Variants in UTRN observed in about 807,000 individuals in gnomAD.
The protein encoded by UTRN is utrophin, also known as dystrophin-related protein 1.
A neutral mutation model predicts 463.9 loss-of-function variants in UTRN; 283 were observed. That is an observed-to-expected ratio of 0.61 (90% CI 0.55 to 0.67). The LOEUF is 0.67. Ranked by LOEUF, UTRN falls within the 30% of genes least tolerant of loss-of-function variation. The probability of loss-of-function intolerance (pLI) is 0.00; values close to 1 mark genes in which losing one functional copy is unlikely to be tolerated. For synonymous variants in UTRN, 1,442 were observed against 1,431.5 expected (o/e 1.01, Z -0.17); for missense variants, 3,922 against 4,084.3 (o/e 0.96, Z 1.08).
rs779761103 is a variant in UTRN, at chr6:144,447,324, T to C, written c.1722+6T>C. 6 of 1,611,280 alleles carry C rather than the reference T, an allele frequency of 3.7e-6. No homozygotes were observed. Among genetic ancestry groups the C allele is most frequent in the Non-Finnish European group, 8.5e-7 (1 of 1,178,364 alleles). ...TCAGTGTTCGACGTCTGGCTGTAAGTGATGGGGTTGTCAGCATCTGTGTTG... is the reference window on the plus strand; with the variant it reads ...TCAGTGTTCGACGTCTGGCTGTAAGCGATGGGGTTGTCAGCATCTGTGTTG... On this transcript the variant is annotated splice_donor_region_variant and intron_variant, in intron 15 of 74. Transcript: ENST00000367545.
chr6:144,731,632 A>C (rs950634817), intron 54 of UTRN, among the ~76,000 whole-genome samples: 1 of 152,160 alleles, frequency 6.6e-6, no homozygotes, highest in African/African-American at 2.4e-5. Flanking sequence ...TTTCCCATCA[A>C]GACCATAATC....
At chr6:144,389,458 A>G (rs1196217229) in intron 2 of UTRN, among the ~76,000 whole-genome samples, 1 of 152,294 alleles carries the variant, frequency 6.6e-6, no homozygotes, top group East Asian at 1.9e-4. Flanking sequence ...TGGTGCAAAG[A>G]GGAATTTCTT....
intron 53 of UTRN, among the ~76,000 whole-genome samples, chr6:144,729,540 GTTTAAT>G (rs1164898724): frequency 6.6e-6 from 1 of 152,198 alleles, no homozygotes; most frequent in Admixed American, 6.5e-5. Context: ...GTGGTTATGT[GTTTAAT>G]TTTAAGAGGA....
At chr6:144,753,563 G>T (rs1351275824) in intron 56 of UTRN, among the ~76,000 whole-genome samples, 2 of 152,012 alleles carry the variant, frequency 1.3e-5, no homozygotes, top group African/African-American at 4.8e-5. Flanking sequence ...AGGTTACAGT[G>T]AGCTATGTTT....
At chr6:144,805,035 C>G (rs183324895) in intron 65 of UTRN, among the ~76,000 whole-genome samples, 8 of 152,132 alleles carry the variant, frequency 5.3e-5, no homozygotes, top group Admixed American at 3.9e-4. Context: ...AAATTATGTT[C>G]ATGTTTGTTT....
At chr6:144,682,965 C>T (rs933251711) in intron 52 of UTRN, among the ~76,000 whole-genome samples, 2 of 151,978 alleles carry the variant, frequency 1.3e-5, no homozygotes, top group Non-Finnish European at 2.9e-5. Flanking sequence ...TTCTCTCGGT[C>T]GGTAATGTTG....
intron 43 of UTRN, among the ~76,000 whole-genome samples, chr6:144,537,068 T>G (rs1307814526): frequency 6.6e-6 from 1 of 152,106 alleles, no homozygotes; most frequent in African/African-American, 2.4e-5. Context: ...ACTTGTAAGA[T>G]TCTCCCATTC....
At chr6:144,389,944 T>TG (rs1781764582) in intron 2 of UTRN, among the ~76,000 whole-genome samples, 1 of 152,134 alleles carries the variant, frequency 6.6e-6, no homozygotes, top group Non-Finnish European at 1.5e-5. Context: ...AGTCCCAGCA[T>TG]GGGGGTGGGG....
chr6:144,422,006 G>A (rs771033465), intron 4 of UTRN, 36 bp downstream of exon 4: 14 of 1,558,264 alleles, frequency 9.0e-6, no homozygotes, highest in South Asian at 2.3e-5. Context: ...CGGAGTCTCC[G>A]GTCATTGCTG....
chr6:144,645,111 C>T (rs986834448), intron 51 of UTRN, among the ~76,000 whole-genome samples: 1 of 152,076 alleles, frequency 6.6e-6, no homozygotes, highest in African/African-American at 2.4e-5. Flanking sequence ...TTGCTATTCT[C>T]AATAAACTCT....
At position 144,514,700 on chromosome 6, in the gene UTRN, C is replaced by T. The variant is rs760278017; in HGVS notation, c.5124C>T (p.Arg1708=). The T allele has an allele frequency of 7.2e-5, 116 of 1,614,148 alleles. No homozygotes were observed. The highest frequency in any genetic ancestry group is 2.5e-4 in the Admixed American group (15 of 60,026). The change falls in exon 37 of 75, where the codon CGC becomes CGT. Residue 1708 remains arginine (R), a synonymous_variant. Coordinates refer to ENST00000367545, the MANE Select transcript of UTRN (RefSeq NM_007124.3). ...DDANLQVENV[R]DQALILMNAR... Reference sequence around the variant, plus strand: ...CCAACCTCCAGGTTGAAAATGTCCGCGATCAAGCCCTTATTTTGATGAATG... The same window carrying T: ...CCAACCTCCAGGTTGAAAATGTCCGTGATCAAGCCCTTATTTTGATGAATG...
intron 65 of UTRN, among the ~76,000 whole-genome samples, chr6:144,811,389 C>T (rs1048532903): frequency 1.3e-5 from 2 of 152,142 alleles, no homozygotes; most frequent in Non-Finnish European, 2.9e-5. Context: ...GAAAACGCAG[C>T]ATCACGGCTG....
chr6:144,401,146 T>C (rs1782904535), intron 2 of UTRN, among the ~76,000 whole-genome samples: 1 of 152,238 alleles, frequency 6.6e-6, no homozygotes, highest in Non-Finnish European at 1.5e-5. Flanking sequence ...GTTGTGTGAA[T>C]GTTATCAAAT....
chr6:144,799,909 G>C (rs1777565002), intron 64 of UTRN, among the ~76,000 whole-genome samples: 1 of 152,176 alleles, frequency 6.6e-6, no homozygotes, highest in African/African-American at 2.4e-5. Context: ...ATTTTTAGGA[G>C]AGAGAGATTT....
intron 2 of UTRN, among the ~76,000 whole-genome samples, chr6:144,366,327 G>A (rs1779503810): frequency 6.6e-6 from 1 of 152,114 alleles, no homozygotes; most frequent in Non-Finnish European, 1.5e-5. Context: ...GGGGTTTGTT[G>A]TACTGATTAT....
intron 1 of UTRN, among the ~76,000 whole-genome samples, chr6:144,289,873 C>G (rs924820200): frequency 6.6e-6 from 1 of 151,988 alleles, no homozygotes; most frequent in African/African-American, 2.4e-5. Flanking sequence ...AGGCTGGTCT[C>G]GAACTCCTGA....
At chr6:144,827,766 T>A in intron 68 of UTRN, 90 bp downstream of exon 68, 1 of 1,425,478 alleles carries the variant, frequency 7.0e-7, no homozygotes, top group Non-Finnish European at 9.6e-7. Context: ...ATACCTTGAT[T>A]TAAGAAATGC....
intron 13 of UTRN, among the ~76,000 whole-genome samples, chr6:144,443,039 A>G (rs1787327861): frequency 6.6e-6 from 1 of 152,220 alleles, no homozygotes; most frequent in South Asian, 2.1e-4. Context: ...TAATATGTGA[A>G]TTTCAACAAC....
At chr6:144,711,924 C>G (rs1785758483) in intron 53 of UTRN, among the ~76,000 whole-genome samples, 2 of 152,104 alleles carry the variant, frequency 1.3e-5, no homozygotes, top group African/African-American at 4.8e-5. Context: ...CAAATTCTAA[C>G]ATTGTCTTTA....
Sources: gnomAD v4.1 joint callset for allele counts (sites outside exome capture counted in the v4.1 genomes callset) on GRCh38, gnomAD v4.1.1 for gene constraint, MANE v1.5 for transcripts, NCBI Gene and HGNC (gene_info 2026-07-23, HGNC 2026-07-21) for gene names.